RBFOX1: variants seen among roughly 807,000 people sequenced by gnomAD.
RBFOX1 encodes the protein RNA binding fox-1 homolog 1, also known as RNA binding protein fox-1 homolog 1.
A neutral mutation model predicts 57.7 loss-of-function variants in RBFOX1; 8 were observed. The ratio of observed to expected loss-of-function variants is 0.14; its 90% CI spans 0.08 to 0.25. RBFOX1 has a LOEUF of 0.25. RBFOX1 is among the 10% of genes least tolerant of loss of function. The pLI, the probability that RBFOX1 is intolerant of heterozygous loss-of-function variation, is 1.00. For synonymous variants in RBFOX1, 326 were observed against 222.4 expected (o/e 1.47, Z -4.15); for missense variants, 611 against 548.5 (o/e 1.11, Z -1.14).
chr16:7,111,588 G>C lies in RBFOX1; in HGVS notation c.27+59490G>C, dbSNP rs574542335. Among the ~76,000 whole-genome samples, 145 of 152,260 alleles carry C rather than the reference G, an allele frequency of 9.5e-4. 2 individuals are homozygous for C. In the South Asian group the frequency reaches 0.011, roughly 11 times the overall value. On this transcript the variant is annotated intron_variant, in intron 4 of 15. Transcript: ENST00000550418. ...AGCTTATCCTGTGTGTTTTAAACCA[G>C]ATAAAGCAGTGTCTGAGTATCCTGG... is the stretch of plus-strand genomic sequence containing the variant.
intron 3 of RBFOX1, among the ~76,000 whole-genome samples, chr16:6,936,562 T>A (rs532194400): frequency 1.3e-5 from 2 of 152,254 alleles, no homozygotes; most frequent in African/African-American, 4.8e-5. Flanking sequence ...ATTTTTTTCA[T>A]TGCTTAATTG....
At chr16:6,921,613 A>G (rs1224375396) in intron 3 of RBFOX1, among the ~76,000 whole-genome samples, 2 of 146,192 alleles carry the variant, frequency 1.4e-5, no homozygotes, top group East Asian at 2.0e-4. Context: ...TTATGTATAT[A>G]CATAAATTAC....
At chr16:7,252,498 C>G (rs1443662701) in intron 4 of RBFOX1, among the ~76,000 whole-genome samples, 1 of 152,110 alleles carries the variant, frequency 6.6e-6, no homozygotes, top group Non-Finnish European at 1.5e-5. Context: ...GGAAATTTTG[C>G]ACAGATCTTT....
At chr16:5,526,390 G>C (rs1275328158) in intron 2 of RBFOX1, among the ~76,000 whole-genome samples, 3 of 152,192 alleles carry the variant, frequency 2.0e-5, no homozygotes, top group Admixed American at 6.5e-5. Context: ...CCGGGGTCAA[G>C]TGATTCTCAT....
At chr16:5,575,824 G>A (rs1428232017) in intron 2 of RBFOX1, among the ~76,000 whole-genome samples, 1 of 145,978 alleles carries the variant, frequency 6.9e-6, no homozygotes, top group Non-Finnish European at 1.5e-5. Flanking sequence ...AGAATCTGGT[G>A]CCAGGACACT....
chr16:5,367,222 A>G (rs62017730), intron 1 of RBFOX1, among the ~76,000 whole-genome samples: 1,643 of 152,350 alleles, frequency 0.011, 14 homozygotes, highest in Non-Finnish European at 0.016. Flanking sequence ...GAAGGGCATT[A>G]CAAGCCTAAA....
intron 3 of RBFOX1, among the ~76,000 whole-genome samples, chr16:5,690,014 T>G (rs1454810279): frequency 6.6e-6 from 1 of 152,134 alleles, no homozygotes; most frequent in African/African-American, 2.4e-5. Flanking sequence ...GCGTAAACTT[T>G]GCAGAGGAAA....
intron 2 of RBFOX1, among the ~76,000 whole-genome samples, chr16:6,582,165 T>C (rs1373197505): frequency 2.0e-5 from 3 of 152,232 alleles, no homozygotes; most frequent in Non-Finnish European, 2.9e-5. Flanking sequence ...CTTGTAAATA[T>C]AAAACACAAT....
intron 1 of RBFOX1, among the ~76,000 whole-genome samples, chr16:6,197,102 G>A (rs972757668): frequency 6.6e-6 from 1 of 152,150 alleles, no homozygotes; most frequent in Non-Finnish European, 1.5e-5. Flanking sequence ...CAAATAGAAA[G>A]CTTTATATTG....
chr16:5,421,644 G>T (rs936574170), intron 1 of RBFOX1, among the ~76,000 whole-genome samples: 1 of 152,188 alleles, frequency 6.6e-6, no homozygotes, highest in Non-Finnish European at 1.5e-5. Context: ...GAACACAGAG[G>T]CTCCAGAGCC....
intron 4 of RBFOX1, among the ~76,000 whole-genome samples, chr16:7,276,857 T>G (rs572456597): frequency 3.9e-5 from 6 of 152,330 alleles, no homozygotes; most frequent in African/African-American, 1.4e-4. Flanking sequence ...AGTGTGGGCT[T>G]CTGTCTAATT....
At chr16:5,898,974 G>C (rs2058236769) in intron 4 of RBFOX1, among the ~76,000 whole-genome samples, 1 of 151,306 alleles carries the variant, frequency 6.6e-6, no homozygotes, top group Admixed American at 6.6e-5. Context: ...GAGGTGAGAG[G>C]ATCACTTGAG....
intron 3 of RBFOX1, among the ~76,000 whole-genome samples, chr16:5,824,188 T>C (rs1428015791): frequency 6.6e-6 from 1 of 152,196 alleles, no homozygotes; most frequent in Non-Finnish European, 1.5e-5. Flanking sequence ...AAATTAATTT[T>C]CTCCGGGCCC....
At chr16:6,869,093 G>C (rs1343233421) in intron 3 of RBFOX1, among the ~76,000 whole-genome samples, 1 of 152,054 alleles carries the variant, frequency 6.6e-6, no homozygotes. Flanking sequence ...TAACTTCAGG[G>C]GCTGTTTATT....
intron 3 of RBFOX1, among the ~76,000 whole-genome samples, chr16:5,725,815 A>G (rs1313950312): frequency 2.0e-5 from 3 of 151,868 alleles, no homozygotes; most frequent in Admixed American, 6.6e-5. Context: ...CTGTTCTAGG[A>G]TGCCAGCTCT....
intron 1 of RBFOX1, among the ~76,000 whole-genome samples, chr16:6,171,614 C>T (rs1245825576): frequency 6.6e-6 from 1 of 152,042 alleles, no homozygotes; most frequent in South Asian, 2.1e-4. Flanking sequence ...AAAAAGCATA[C>T]CTGGATTTTC....
At chr16:7,354,307 A>G (rs1056524102) in intron 4 of RBFOX1, among the ~76,000 whole-genome samples, 14 of 152,208 alleles carry the variant, frequency 9.2e-5, no homozygotes, top group African/African-American at 3.1e-4. Flanking sequence ...TTTGTGGAAT[A>G]TGAATTATTA....
chr16:5,407,340 T>C (rs1272728279), intron 1 of RBFOX1, among the ~76,000 whole-genome samples: 1 of 151,740 alleles, frequency 6.6e-6, no homozygotes, highest in Non-Finnish European at 1.5e-5. Flanking sequence ...CTATATCAAG[T>C]GACATCTGAA....
intron 3 of RBFOX1, among the ~76,000 whole-genome samples, chr16:7,004,948 A>G (rs2093167119): frequency 6.6e-6 from 1 of 152,200 alleles, no homozygotes; most frequent in African/African-American, 2.4e-5. Context: ...GTTCGAGACC[A>G]GCTTGGCCAA....
Sources: allele counts gnomAD v4.1 joint callset (sites outside exome capture counted in the v4.1 genomes callset), GRCh38; gene constraint gnomAD v4.1.1; transcripts MANE v1.5; gene names NCBI Gene and HGNC (gene_info 2026-07-23, HGNC 2026-07-21).